PRRX1: variants seen among roughly 807,000 people sequenced by gnomAD.
The protein encoded by PRRX1 is paired related homeobox 1.
A neutral mutation model predicts 24.0 loss-of-function variants in PRRX1; 8 were observed. That is an observed-to-expected ratio of 0.33 (90% confidence interval 0.20 to 0.60). The LOEUF (loss-of-function observed/expected upper bound fraction) is 0.60. PRRX1 is among the 20% of genes least tolerant of loss of function. The pLI is 0.82. For synonymous variants in PRRX1, 160 were observed against 131.7 expected (o/e 1.22, Z -1.47); for missense variants, 281 against 322.4 (o/e 0.87, Z 0.98).
chr1:170,697,137 T>G (rs867340183), intron 1 of PRRX1, among the ~76,000 whole-genome samples: 1 of 152,094 alleles, frequency 6.6e-6, no homozygotes, highest in Admixed American at 6.6e-5. Context: ...AATGTGAACA[T>G]GCATGCACAC....
At position 170,679,540 on chromosome 1, in the gene PRRX1, C is replaced by T. The variant is rs576913829; in HGVS notation, c.241+15081C>T. Among the ~76,000 whole-genome samples the T allele has an allele frequency of 9.8e-5, 15 of 152,318 alleles. No homozygotes were observed. The South Asian group carries it at 3.1e-3, about 32-fold the overall frequency. Reference sequence around the variant, plus strand: ...TTAGCCTCCCTAGTAGCTGGGACTACAGGTGCCTGCCACCACACCTGGCTA... The same window carrying T: ...TTAGCCTCCCTAGTAGCTGGGACTATAGGTGCCTGCCACCACACCTGGCTA... On this transcript the variant is annotated intron_variant, in intron 1 of 3. Coordinates refer to ENST00000239461, the MANE Select transcript of PRRX1 (RefSeq NM_022716.4).
At chr1:170,701,342 C>G (rs1478189020) in intron 1 of PRRX1, among the ~76,000 whole-genome samples, 1 of 152,190 alleles carries the variant, frequency 6.6e-6, no homozygotes, top group Non-Finnish European at 1.5e-5. Context: ...CCAGCCAGTA[C>G]TCATCACCAG....
At chr1:170,711,509 A>G (rs1571338909) in intron 1 of PRRX1, among the ~76,000 whole-genome samples, 1 of 152,140 alleles carries the variant, frequency 6.6e-6, no homozygotes, top group South Asian at 2.1e-4. Flanking sequence ...CATCTCCTTC[A>G]TTCCTGTCTG....
At chr1:170,693,049 C>T (rs1325845052) in intron 1 of PRRX1, among the ~76,000 whole-genome samples, 1 of 152,062 alleles carries the variant, frequency 6.6e-6, no homozygotes, top group African/African-American at 2.4e-5. Context: ...TCCACTTAGG[C>T]TAGTCACAGC....
chr1:170,727,378 G>A (rs1655289577), intron 3 of PRRX1: 1 of 152,136 alleles, frequency 6.6e-6, no homozygotes, highest in Non-Finnish European at 1.5e-5. Flanking sequence ...ACCAGGCCAA[G>A]CCTACGTGTT....
At position 170,736,045 on chromosome 1, in the gene PRRX1, C is replaced by G; in HGVS notation, c.600-3C>G. ...CTCCCTGCTCTCTCCTTTGTCCCTA[C>G]AGCGCCATGGCTACTTATTCTGCCA... On this transcript the variant is annotated splice_region_variant and splice_polypyrimidine_tract_variant and intron_variant, in intron 3 of 3. Transcript: ENST00000239461. The G allele has an allele frequency of 6.2e-7, 1 of 1,613,990 alleles. No homozygotes were observed. The highest frequency in any genetic ancestry group is 8.5e-7 in the Non-Finnish European group (1 of 1,179,852).
chr1:170,686,179 CAAAAAA>C (rs397754426), intron 1 of PRRX1, among the ~76,000 whole-genome samples: 4 of 105,248 alleles, frequency 3.8e-5, no homozygotes, highest in African/African-American at 1.4e-4. Flanking sequence ...GTTAAGGGTA[CAAAAAA>C]AAAAAAAAAA....
At position 170,736,498 on chromosome 1, in the gene PRRX1, C is replaced by T. The variant is rs1284905102; in HGVS notation, c.*312C>T. ...TCAGCTAGGTTCAGCCCACCCACCC[C>T]CATGATTGTATGAAGTTTTAAAAAA... On this transcript the variant is annotated 3_prime_UTR_variant, in exon 4 of 4. Transcript: ENST00000239461. 7.7e-6 allele frequency: 3 copies of T among 391,964 alleles called. No homozygotes were observed. The highest frequency in any genetic ancestry group is 4.1e-5 in the Admixed American group (1 of 24,108). 24.3% of individuals were successfully genotyped at this position (391,964 alleles called of 1,614,324 possible). A position where few individuals can be genotyped will look rare whatever the true frequency, so the allele number is the denominator to read the frequency against.
chr1:170,726,666 A>G (rs1247619798), intron 3 of PRRX1: 3 of 430,198 alleles, frequency 7.0e-6, no homozygotes, highest in African/African-American at 2.0e-5. Context: ...AAAGATGAGG[A>G]AGAATCTAAA....
intron 2 of PRRX1, chr1:170,722,815 T>C (rs955179996): frequency 2.0e-5 from 3 of 152,322 alleles, no homozygotes; most frequent in Middle Eastern, 3.4e-3. Context: ...AAAAAATATA[T>C]GGGCTTTGAT....
At chr1:170,730,160 T>G in intron 3 of PRRX1, 1 of 893,016 alleles carries the variant, frequency 1.1e-6, no homozygotes, top group South Asian at 1.3e-5. Context: ...CAGCTATCCT[T>G]GTCCACAGCT....
At chr1:170,676,263 A>G (rs1653315757) in intron 1 of PRRX1, among the ~76,000 whole-genome samples, 1 of 151,838 alleles carries the variant, frequency 6.6e-6, no homozygotes, top group Admixed American at 6.6e-5. Context: ...CAGGGAAGAA[A>G]TTTTTCCTGG....
At chr1:170,722,028 C>G (rs1558061045) in intron 2 of PRRX1, among the ~76,000 whole-genome samples, 1 of 151,652 alleles carries the variant, frequency 6.6e-6, no homozygotes, top group Non-Finnish European at 1.5e-5. Context: ...TGTCTTGCCC[C>G]TATCATGACA....
intron 1 of PRRX1, among the ~76,000 whole-genome samples, chr1:170,666,108 G>A (rs1303951673): frequency 6.6e-6 from 1 of 152,178 alleles, no homozygotes; most frequent in Non-Finnish European, 1.5e-5. Context: ...CGTTTTACCA[G>A]GGAAAATGAA....
At chr1:170,711,700 C>A (rs1654759227) in intron 1 of PRRX1, among the ~76,000 whole-genome samples, 1 of 152,122 alleles carries the variant, frequency 6.6e-6, no homozygotes, top group Non-Finnish European at 1.5e-5. Context: ...GAAGTGACAG[C>A]AGTCTCAGTG....
intron 1 of PRRX1, among the ~76,000 whole-genome samples, chr1:170,675,170 G>T (rs1221237684): frequency 6.6e-6 from 1 of 152,132 alleles, no homozygotes; most frequent in Admixed American, 6.5e-5. Context: ...AGTTCCAGTG[G>T]GTACATTTTC....
upstream of PRRX1, chr1:170,664,088 C>CCTCTCTTTCTCTCTCTCTCTCT: frequency 1.5e-6 from 1 of 661,376 alleles, no homozygotes; most frequent in Non-Finnish European, 2.2e-6. Context: ...CCTCTTCCTC[C>CCTCTCTTTCTCTCTCTCTCTCT]CTCTCTCTCT....
At chr1:170,687,246 T>C (rs1172496055) in intron 1 of PRRX1, among the ~76,000 whole-genome samples, 1 of 152,006 alleles carries the variant, frequency 6.6e-6, no homozygotes, top group Non-Finnish European at 1.5e-5. Flanking sequence ...GATGAGAAAA[T>C]GTCTGCATTG....
At chr1:170,685,224 G>A (rs1326526319) in intron 1 of PRRX1, among the ~76,000 whole-genome samples, 1 of 152,088 alleles carries the variant, frequency 6.6e-6, no homozygotes, top group Non-Finnish European at 1.5e-5. Context: ...AAGAAAATTG[G>A]GTCAGAGTAA....
Sources: allele counts gnomAD v4.1 joint callset (sites outside exome capture counted in the v4.1 genomes callset), GRCh38; gene constraint gnomAD v4.1.1; transcripts MANE v1.5; gene names NCBI Gene and HGNC (gene_info 2026-07-23, HGNC 2026-07-21).